CPLX2: variants seen among roughly 807,000 people sequenced by gnomAD.
CPLX2 encodes complexin-2.
CPLX2 carries 5 observed loss-of-function variants against 16.3 expected under a neutral mutation model. The ratio of observed to expected loss-of-function variants is 0.31; its 90% CI spans 0.16 to 0.64. CPLX2 has a LOEUF of 0.64. Ranked by LOEUF, CPLX2 falls within the 30% of genes least tolerant of loss-of-function variation. The pLI, the probability that CPLX2 is intolerant of heterozygous loss-of-function variation, is 0.79. For synonymous variants in CPLX2, 89 were observed against 73.2 expected (o/e 1.22, Z -1.10); for missense variants, 144 against 181.4 (o/e 0.79, Z 1.18).
intron 2 of CPLX2, among the ~76,000 whole-genome samples, chr5:175,833,545 T>C (rs1758770207): frequency 6.6e-6 from 1 of 152,138 alleles, no homozygotes; most frequent in Admixed American, 6.5e-5. Context: ...AGGAAGAAAG[T>C]TAGCCAGGCA....
intron 2 of CPLX2, among the ~76,000 whole-genome samples, chr5:175,848,810 C>T (rs906836744): frequency 6.6e-6 from 1 of 152,114 alleles, no homozygotes; most frequent in Non-Finnish European, 1.5e-5. Context: ...AAGGAGCCTG[C>T]CAGGCAAAGA....
chr5:175,883,593 T>A lies in CPLX2; in HGVS notation c.*3548T>A, dbSNP rs754616266. On this transcript the variant is annotated 3_prime_UTR_variant, in exon 4 of 4. Coordinates refer to ENST00000393745, the MANE Select transcript of CPLX2 (RefSeq NM_001008220.2). Reference sequence around the variant, plus strand: ...CCACCCCTGCTGTCCACCTGCTCCATCCTCTAGGGTTCCACAGGCCCCTGA... The same window carrying A: ...CCACCCCTGCTGTCCACCTGCTCCAACCTCTAGGGTTCCACAGGCCCCTGA... 2 of 152,216 alleles carry A rather than the reference T, an allele frequency of 1.3e-5. No individual in the cohort carries two copies. Among genetic ancestry groups the A allele is most frequent in the African/African-American group, 2.4e-5 (1 of 41,388 alleles). The allele number at this position is 152,216 out of a possible 1,614,324, so 9.4% of individuals were successfully genotyped here.
intron 2 of CPLX2, among the ~76,000 whole-genome samples, chr5:175,857,437 C>T (rs1487163178): frequency 6.6e-6 from 1 of 152,116 alleles, no homozygotes; most frequent in African/African-American, 2.4e-5. Flanking sequence ...CCCAATAAAC[C>T]CATCGTAAGT....
intron 2 of CPLX2, among the ~76,000 whole-genome samples, chr5:175,855,004 GT>G (rs1759227260): frequency 6.6e-6 from 1 of 152,178 alleles, no homozygotes; most frequent in African/African-American, 2.4e-5. Flanking sequence ...AATTATTGAA[GT>G]TCAGTGGAGC....
chr5:175,797,843 C>T (rs1338379822), intron 1 of CPLX2, among the ~76,000 whole-genome samples: 1 of 152,188 alleles, frequency 6.6e-6, no homozygotes, highest in African/African-American at 2.4e-5. Flanking sequence ...AGGTTGAGGG[C>T]GTCTGTGAAG....
intron 2 of CPLX2, among the ~76,000 whole-genome samples, chr5:175,827,752 C>T (rs756457802): frequency 7.9e-5 from 12 of 151,976 alleles, no homozygotes; most frequent in Non-Finnish European, 1.3e-4. Context: ...AGTGAGACTC[C>T]GTCTCAATAA....
In CPLX2 at chr5:175,853,553, A is replaced by G. The variant is rs113991610; in HGVS notation, c.-88-25099A>G. Among the ~76,000 whole-genome samples, 834 of 152,188 alleles carry G rather than the reference A, an allele frequency of 5.5e-3. 5 individuals carry two copies. Among genetic ancestry groups the G allele is most frequent in the African/African-American group, 0.019 (796 of 41,538 alleles). On this transcript the variant is annotated intron_variant, in intron 2 of 4. Transcript: ENST00000359546. The stretch of plus-strand genomic sequence containing the variant: ...CAGGCTCCCACAGGCTTGCTGGCAA[A>G]TATCTGTCTATTGTGCCCTGAGATA...
intron 3 of CPLX2, 123 bp downstream of exon 3, chr5:175,879,206 A>G: frequency 9.4e-7 from 1 of 1,058,456 alleles, no homozygotes. Context: ...TCTGAGCCTC[A>G]CTCTTCTCAT....
At chr5:175,842,387 A>C (rs1226639028) in intron 2 of CPLX2, among the ~76,000 whole-genome samples, 1 of 152,254 alleles carries the variant, frequency 6.6e-6, no homozygotes, top group African/African-American at 2.4e-5. Flanking sequence ...AGAAAAGGAA[A>C]CCAGGGGAGT....
At chr5:175,823,382 A>C (rs949580677) in intron 2 of CPLX2, among the ~76,000 whole-genome samples, 3 of 152,174 alleles carry the variant, frequency 2.0e-5, no homozygotes, top group Non-Finnish European at 4.4e-5. Flanking sequence ...AGGTGAATGA[A>C]TGAGTGAGTG....
chr5:175,800,518 A>T (rs1007640241), intron 1 of CPLX2, among the ~76,000 whole-genome samples: 4 of 149,752 alleles, frequency 2.7e-5, no homozygotes, highest in Non-Finnish European at 5.9e-5. Context: ...TTGTTCTGGG[A>T]GTGTGATTGC....
intron 2 of CPLX2, among the ~76,000 whole-genome samples, chr5:175,860,579 G>GAGGA (rs1759351959): frequency 1.6e-5 from 2 of 127,134 alleles, no homozygotes; most frequent in Non-Finnish European, 3.4e-5. Flanking sequence ...GGGAGGGAGG[G>GAGGA]AGGGAGGGAA....
At chr5:175,847,274 C>T (rs533117951) in intron 2 of CPLX2, among the ~76,000 whole-genome samples, 2 of 152,278 alleles carry the variant, frequency 1.3e-5, no homozygotes, top group South Asian at 2.1e-4. Context: ...GTGCGAGCGG[C>T]GCCCATGCCT....
intron 2 of CPLX2, among the ~76,000 whole-genome samples, chr5:175,820,316 T>C (rs1282907708): frequency 6.6e-6 from 1 of 152,212 alleles, no homozygotes; most frequent in Non-Finnish European, 1.5e-5. Context: ...CACACACTCA[T>C]TCCTTCCCCC....
chr5:175,840,137 A>G (rs2113667710), intron 2 of CPLX2, among the ~76,000 whole-genome samples: 1 of 152,368 alleles, frequency 6.6e-6, no homozygotes, highest in South Asian at 2.1e-4. Flanking sequence ...ACATAAAACA[A>G]TTACAATACA....
intron 2 of CPLX2, among the ~76,000 whole-genome samples, chr5:175,853,143 T>A (rs1421746601): frequency 1.3e-5 from 2 of 152,230 alleles, no homozygotes; most frequent in Non-Finnish European, 2.9e-5. Context: ...AAAGTGCCCA[T>A]GTGAGGTTTC....
At chr5:175,831,526 GA>G (rs1040627982) in intron 2 of CPLX2, among the ~76,000 whole-genome samples, 8 of 152,206 alleles carry the variant, frequency 5.3e-5, no homozygotes, top group African/African-American at 1.9e-4. Flanking sequence ...GCTGAGAGGG[GA>G]AAAGTGTCTG....
At chr5:175,821,315 A>C in intron 2 of CPLX2, among the ~76,000 whole-genome samples, 2 of 150,182 alleles carry the variant, frequency 1.3e-5, no homozygotes, top group African/African-American at 2.5e-5. Flanking sequence ...CCCCTTCCTG[A>C]CTCAGTCTCT....
rs549105312 is a variant in CPLX2, at chr5:175,853,995, T to C, written c.-88-24657T>C. ...ACTGGCTAGCAATTCCCAGATGTTA[T>C]CTCAAGCCTGGCATCAGCCTGGGAA... On this transcript the variant is annotated intron_variant, in intron 2 of 4. Transcript: ENST00000359546. Among the ~76,000 whole-genome samples, 16 of 152,302 alleles carry C rather than the reference T, an allele frequency of 1.1e-4. No individual in the cohort carries two copies. In the East Asian group the frequency reaches 2.5e-3, roughly 24 times the overall value.
Sources: gnomAD v4.1 joint callset for allele counts (sites outside exome capture counted in the v4.1 genomes callset) on GRCh38, gnomAD v4.1.1 for gene constraint, MANE v1.5 for transcripts, NCBI Gene and HGNC (gene_info 2026-07-23, HGNC 2026-07-21) for gene names.